The following RAD18 variants were observed in gnomAD, a reference collection of about 807,000 sequenced individuals.
The protein encoded by RAD18 is RAD18 E3 ubiquitin protein ligase.
RAD18 carries 47 observed loss-of-function variants against 60.4 expected under a neutral mutation model. The ratio of observed to expected loss-of-function variants is 0.78; its 90% CI spans 0.62 to 0.99. RAD18 has a LOEUF of 0.99. Among genes scored for constraint, RAD18 ranks in the 50% least tolerant of loss-of-function variants. The probability of loss-of-function intolerance (pLI) is 0.00; values close to 1 mark genes in which losing one functional copy is unlikely to be tolerated. For synonymous variants in RAD18, 225 were observed against 195.5 expected (o/e 1.15, Z -1.26); for missense variants, 640 against 593.3 (o/e 1.08, Z -0.82).
chr3:8,909,837 T>C (rs1940076825), intron 9 of RAD18, among the ~76,000 whole-genome samples: 2 of 152,102 alleles, frequency 1.3e-5, no homozygotes, highest in African/African-American at 4.8e-5. Context: ...CAATAGCTGA[T>C]GAGAGAAAAA....
intron 11 of RAD18, among the ~76,000 whole-genome samples, chr3:8,890,979 C>T (rs112385073): frequency 1.5e-4 from 23 of 151,980 alleles, no homozygotes; most frequent in African/African-American, 3.9e-4. Context: ...CACTTTTCCC[C>T]CAATCCCATG....
intron 7 of RAD18, among the ~76,000 whole-genome samples, chr3:8,929,898 C>G (rs1188417770): frequency 6.6e-6 from 1 of 152,238 alleles, no homozygotes; most frequent in African/African-American, 2.4e-5. Flanking sequence ...CTGCCTCGGC[C>G]TCCCAAACAA....
At chr3:8,948,056 A>C (rs547535212) in intron 3 of RAD18, among the ~76,000 whole-genome samples, 1 of 152,322 alleles carries the variant, frequency 6.6e-6, no homozygotes, top group Non-Finnish European at 1.5e-5. Context: ...AGTTTCAGAA[A>C]CAATAACAAC....
At chr3:8,915,966 T>C (rs957979633) in intron 7 of RAD18, among the ~76,000 whole-genome samples, 13 of 152,148 alleles carry the variant, frequency 8.5e-5, no homozygotes, top group African/African-American at 2.9e-4. Context: ...GGGCAGCAAA[T>C]TAGAAAAGAT....
At chr3:8,928,332 T>A (rs1034186462) in intron 7 of RAD18, among the ~76,000 whole-genome samples, 1 of 151,784 alleles carries the variant, frequency 6.6e-6, no homozygotes, top group Admixed American at 6.6e-5. Flanking sequence ...CCCAACCAAA[T>A]AGAATAAATG....
intron 2 of RAD18, among the ~76,000 whole-genome samples, chr3:8,956,738 C>T (rs1941020008): frequency 1.9e-5 from 2 of 103,020 alleles, no homozygotes; most frequent in Non-Finnish European, 3.3e-5. Flanking sequence ...AATTCAACAC[C>T]CATTCATGAT....
chr3:8,916,684 A>C (rs1940206205), intron 7 of RAD18, among the ~76,000 whole-genome samples: 1 of 152,190 alleles, frequency 6.6e-6, no homozygotes, highest in African/African-American at 2.4e-5. Context: ...GAAATGTTAG[A>C]TATATAGATA....
chr3:8,889,830 A>T (rs1939652759), intron 12 of RAD18, among the ~76,000 whole-genome samples: 2 of 152,222 alleles, frequency 1.3e-5, no homozygotes, highest in South Asian at 4.1e-4. Flanking sequence ...AGGGATGAGT[A>T]ACAGTGATCA....
chr3:8,911,847 T>C (rs1048751613), intron 9 of RAD18, among the ~76,000 whole-genome samples: 1 of 152,150 alleles, frequency 6.6e-6, no homozygotes, highest in Non-Finnish European at 1.5e-5. Context: ...CTGGGAAAGA[T>C]ATACACGAAG....
intron 1 of RAD18, 106 bp downstream of exon 1, chr3:8,963,229 A>G: frequency 7.8e-7 from 1 of 1,279,878 alleles, no homozygotes; most frequent in Non-Finnish European, 1.1e-6. Flanking sequence ...GCCCAGTGCG[A>G]CGCTCGCGCC....
At position 8,958,942 on chromosome 3, in the gene RAD18, T is replaced by G; in HGVS notation, c.111A>C (p.Ile37=). Residue 37 remains isoleucine, a synonymous_variant, in exon 2 of 13, where the codon ATA becomes ATC. Coordinates refer to ENST00000264926, the MANE Select transcript of RAD18 (RefSeq NM_020165.4). ...TACAGTTATGTGAACACTGAGGTAT[T>G]ATCATTGCAATGTTGAAATACTCGA... ...ICFEYFNIAM[I]IPQCSHNYCS... is the part of the protein sequence containing the mutation. 1 of 1,613,656 alleles carries G rather than the reference T, an allele frequency of 6.2e-7. No individual in the cohort carries two copies. Among genetic ancestry groups the G allele is most frequent in the South Asian group, 1.1e-5 (1 of 91,030 alleles).
rs193920 is a variant in RAD18 at position 8,878,821 on chromosome 3, T to C, written c.*2536A>G. The C allele has an allele frequency of 0.73, 111,360 of 152,094 alleles. 41,855 individuals are homozygous for C. Among genetic ancestry groups the C allele is most frequent in the South Asian group, 0.89 (4,264 of 4,818 alleles). 9.4% of individuals were successfully genotyped at this position (152,094 alleles called of 1,614,324 possible). A position where few individuals can be genotyped will look rare whatever the true frequency, so the allele number is the denominator to read the frequency against. On this transcript the variant is annotated 3_prime_UTR_variant, in exon 13 of 13. Transcript: ENST00000264926. ...CATCACTGCCATTCTGAGCTGATGT[T>C]GATGGGAGATGTTATAACTTTGAGG...
chr3:8,929,162 C>T (rs897213271), intron 7 of RAD18, among the ~76,000 whole-genome samples: 3 of 151,554 alleles, frequency 2.0e-5, no homozygotes, highest in African/African-American at 4.8e-5. Context: ...TAAACTTCCA[C>T]CATAATAAGC....
intron 4 of RAD18, among the ~76,000 whole-genome samples, chr3:8,944,620 GAGAAAGGAAAGGAGGGAGGA>G: frequency 7.2e-6 from 1 of 139,464 alleles, no homozygotes; most frequent in South Asian, 2.7e-4. Context: ...AGGAGGGAGG[GAGAAAGGAAAGGAGGGAGGA>G]AGAAAGGAAA....
At chr3:8,914,417 AG>A (rs1174358367) in intron 7 of RAD18, among the ~76,000 whole-genome samples, 8 of 152,224 alleles carry the variant, frequency 5.3e-5, no homozygotes, top group Non-Finnish European at 7.3e-5. Flanking sequence ...TGGAAGAAAA[AG>A]GGGTGTAAAT....
intron 7 of RAD18, among the ~76,000 whole-genome samples, chr3:8,928,123 A>G (rs1477707198): frequency 6.6e-6 from 1 of 152,070 alleles, no homozygotes; most frequent in East Asian, 1.9e-4. Flanking sequence ...TATTCATTGA[A>G]GGTAGACTGA....
chr3:8,910,460 C>A (rs1228296166), intron 9 of RAD18, among the ~76,000 whole-genome samples: 1 of 152,014 alleles, frequency 6.6e-6, no homozygotes. Context: ...ACTAGCCAGG[C>A]GTGGTGGCAG....
intron 10 of RAD18, among the ~76,000 whole-genome samples, chr3:8,902,000 C>G (rs1014507732): frequency 6.6e-6 from 1 of 152,172 alleles, no homozygotes; most frequent in African/African-American, 2.4e-5. Flanking sequence ...TAACTTTAGA[C>G]TGTTTGGCAG....
At chr3:8,915,648 A>G (rs1940187096) in intron 7 of RAD18, among the ~76,000 whole-genome samples, 1 of 147,922 alleles carries the variant, frequency 6.8e-6, no homozygotes, top group African/African-American at 2.5e-5. Context: ...CAGTGGCGCG[A>G]TCTCGGCTCA....
Sources: allele counts gnomAD v4.1 joint callset (sites outside exome capture counted in the v4.1 genomes callset), GRCh38; gene constraint gnomAD v4.1.1; transcripts MANE v1.5; gene names NCBI Gene and HGNC (gene_info 2026-07-23, HGNC 2026-07-21).